Variants in STK39 observed in about 807,000 individuals in gnomAD.
STK39 encodes STE20/SPS1-related proline-alanine-rich protein kinase.
A neutral mutation model predicts 77.8 loss-of-function variants in STK39; 20 were observed. That is an observed-to-expected ratio of 0.26 (90% CI 0.18 to 0.37). The LOEUF (loss-of-function observed/expected upper bound fraction) is 0.37, where lower values mean the gene tolerates loss of function less well. STK39 is among the 10% of genes least tolerant of loss of function. STK39 has a pLI of 1.00. For missense variants in STK39, 479 were observed against 656.5 expected (o/e 0.73, Z 2.95); for synonymous variants, 246 against 234.1 (o/e 1.05, Z -0.47).
At chr2:167,969,224 T>C (rs533358072) in intron 16 of STK39, among the ~76,000 whole-genome samples, 1 of 152,340 alleles carries the variant, frequency 6.6e-6, no homozygotes, top group African/African-American at 2.4e-5. Context: ...CCCTGGACAA[T>C]TGCAATATCT....
chr2:168,016,062 G>A (rs1266292111), intron 15 of STK39, among the ~76,000 whole-genome samples: 1 of 151,984 alleles, frequency 6.6e-6, no homozygotes, highest in Non-Finnish European at 1.5e-5. Flanking sequence ...CAAGTAGCTG[G>A]GACTACAGCT....
chr2:168,210,946 TTGTC>T (rs1443149328), intron 1 of STK39, among the ~76,000 whole-genome samples: 2 of 152,208 alleles, frequency 1.3e-5, no homozygotes, highest in African/African-American at 4.8e-5. Context: ...ATAATTTCAC[TTGTC>T]TTTCTCTGAA....
At chr2:168,181,188 C>T (rs1290724764) in intron 2 of STK39, among the ~76,000 whole-genome samples, 3 of 152,088 alleles carry the variant, frequency 2.0e-5, no homozygotes, top group East Asian at 3.8e-4. Flanking sequence ...TCCTCCACTG[C>T]AGTTTTCTAT....
At chr2:168,232,276 A>T (rs912459346) in intron 1 of STK39, 1 of 155,934 alleles carries the variant, frequency 6.4e-6, no homozygotes, top group Non-Finnish European at 1.4e-5. Context: ...ACACCCTCCC[A>T]CACATCCCCC....
chr2:168,057,998 C>T (rs1330540936), intron 14 of STK39, among the ~76,000 whole-genome samples: 1 of 152,178 alleles, frequency 6.6e-6, no homozygotes, highest in Non-Finnish European at 1.5e-5. Context: ...CATTCCCATT[C>T]ACCTGTAAAC....
At chr2:168,055,443 T>G (rs1278695815) in intron 14 of STK39, among the ~76,000 whole-genome samples, 4 of 152,242 alleles carry the variant, frequency 2.6e-5, no homozygotes, top group Non-Finnish European at 4.4e-5. Flanking sequence ...CATGCTGAGT[T>G]AAAATAAGTA....
intron 2 of STK39, among the ~76,000 whole-genome samples, chr2:168,180,284 T>C (rs1372859524): frequency 6.6e-6 from 1 of 151,970 alleles, no homozygotes; most frequent in African/African-American, 2.4e-5. Flanking sequence ...GAGGCGGAGG[T>C]TGCAGTGAGC....
chr2:168,022,582 G>A (rs970071424), intron 14 of STK39, among the ~76,000 whole-genome samples: 2 of 152,170 alleles, frequency 1.3e-5, no homozygotes, highest in African/African-American at 2.4e-5. Flanking sequence ...AATTTTATAT[G>A]ACATTCCATA....
intron 10 of STK39, among the ~76,000 whole-genome samples, chr2:168,124,217 C>A (rs1687482422): frequency 6.6e-6 from 1 of 152,054 alleles, no homozygotes; most frequent in Admixed American, 6.6e-5. Flanking sequence ...AAGCAATAAC[C>A]CTCCAGTAAA....
intron 10 of STK39, among the ~76,000 whole-genome samples, chr2:168,113,378 C>A (rs987146216): frequency 2.6e-5 from 4 of 152,116 alleles, no homozygotes; most frequent in African/African-American, 9.7e-5. Context: ...ATAAATATTG[C>A]AGCTCTGTTT....
At chr2:168,105,996 C>T (rs1226523688) in intron 10 of STK39, among the ~76,000 whole-genome samples, 2 of 152,224 alleles carry the variant, frequency 1.3e-5, no homozygotes, top group African/African-American at 4.8e-5. Flanking sequence ...CGAAGCCTTG[C>T]TCTGTCGCCA....
At chr2:168,210,874 T>C (rs928111887) in intron 1 of STK39, among the ~76,000 whole-genome samples, 3 of 152,152 alleles carry the variant, frequency 2.0e-5, no homozygotes. Flanking sequence ...TAATCTCCTC[T>C]TTGTTTTCAG....
chr2:168,203,991 C>CA (rs1027522172), intron 1 of STK39, among the ~76,000 whole-genome samples: 7 of 152,222 alleles, frequency 4.6e-5, no homozygotes, highest in Non-Finnish European at 8.8e-5. Context: ...GGGAAAAACA[C>CA]AGAGGCTCCT....
At chr2:168,002,010 T>C (rs1684014387) in intron 16 of STK39, among the ~76,000 whole-genome samples, 1 of 152,234 alleles carries the variant, frequency 6.6e-6, no homozygotes, top group African/African-American at 2.4e-5. Context: ...TATTTGATTC[T>C]GGAGTTAAAG....
chr2:168,148,761 A>G (rs528296994), intron 5 of STK39, among the ~76,000 whole-genome samples: 154 of 152,318 alleles, frequency 1.0e-3, no homozygotes, highest in African/African-American at 3.5e-3. Context: ...ATACTGTGGG[A>G]TCCTGATTCT....
At chr2:168,133,806 C>T (rs921974808) in intron 8 of STK39, among the ~76,000 whole-genome samples, 7 of 151,372 alleles carry the variant, frequency 4.6e-5, no homozygotes, top group Non-Finnish European at 7.4e-5. Context: ...TGCAGTGAGC[C>T]GAGATCATGC....
intron 14 of STK39, among the ~76,000 whole-genome samples, chr2:168,032,508 T>C (rs1043302915): frequency 3.9e-5 from 6 of 152,234 alleles, no homozygotes; most frequent in African/African-American, 1.2e-4. Flanking sequence ...TCAATGACTG[T>C]CCTTTACCTA....
chr2:168,004,732 CAAA>C (rs529234296), intron 16 of STK39, among the ~76,000 whole-genome samples: 1,163 of 93,804 alleles, frequency 0.012, 21 homozygotes, highest in African/African-American at 0.037. Flanking sequence ...GACTCCATCT[CAAA>C]AAAAAAAAAA....
chr2:168,033,769 T>G (rs968531592), intron 14 of STK39, among the ~76,000 whole-genome samples: 1 of 152,194 alleles, frequency 6.6e-6, no homozygotes, highest in Non-Finnish European at 1.5e-5. Flanking sequence ...TTTCTGGAGA[T>G]AACATTCTGG....
Sources: allele counts gnomAD v4.1 joint callset (sites outside exome capture counted in the v4.1 genomes callset), GRCh38; gene constraint gnomAD v4.1.1; transcripts MANE v1.5; gene names NCBI Gene and HGNC (gene_info 2026-07-23, HGNC 2026-07-21).